RAB38: variants seen among roughly 807,000 people sequenced by gnomAD.
The protein encoded by RAB38 is RAB38, member RAS oncogene family, also known as ras-related protein Rab-38.
In RAB38, 15 loss-of-function variants were observed where a neutral mutation model predicts 18.4. That is an observed-to-expected ratio of 0.82 (90% CI 0.55 to 1.26). RAB38 has a LOEUF of 1.26. Ranked by LOEUF, RAB38 falls within the 50% of genes most tolerant of loss-of-function variation. The probability of loss-of-function intolerance (pLI) is 0.00; values close to 1 mark genes in which losing one functional copy is unlikely to be tolerated. For synonymous variants in RAB38, 101 were observed against 104.4 expected, an observed-to-expected ratio of 0.97 and a Z score of 0.20; for missense variants, 294 against 267.4, an observed-to-expected ratio of 1.10 and a Z score of -0.69.
At chr11:87,812,018 G>A in the RAB38 span, among the ~76,000 whole-genome samples, 1 of 152,094 alleles carries the variant, frequency 6.6e-6, no homozygotes, top group Non-Finnish European at 1.5e-5. Context: ...AGATCAATCT[G>A]GCTCCAAAAA....
chr11:87,834,686 C>T, the RAB38 span, among the ~76,000 whole-genome samples: 1 of 152,064 alleles, frequency 6.6e-6, no homozygotes, highest in African/African-American at 2.4e-5. Flanking sequence ...ATATGTAAAC[C>T]TGGTAGTCAG....
At chr11:88,162,203 A>G (rs890521) in intron 1 of RAB38, among the ~76,000 whole-genome samples, 37,427 of 151,960 alleles carry the variant, frequency 0.25, 4,652 homozygotes, top group Admixed American at 0.27. Flanking sequence ...GTTCAGAAAC[A>G]CTTTCATCTG....
chr11:87,949,937 G>T, the RAB38 span, among the ~76,000 whole-genome samples: 1 of 152,086 alleles, frequency 6.6e-6, no homozygotes, highest in Admixed American at 6.6e-5. Context: ...TCAATTCCTG[G>T]ATATCCTTGT....
the RAB38 span, among the ~76,000 whole-genome samples, chr11:87,854,003 A>G: frequency 1.6e-4 from 24 of 152,188 alleles, no homozygotes. Context: ...ATAGCCAGCA[A>G]TGACAGGTCT....
chr11:88,049,673 G>A, the RAB38 span, among the ~76,000 whole-genome samples: 10 of 152,214 alleles, frequency 6.6e-5, 1 homozygote, highest in East Asian at 1.7e-3. Flanking sequence ...ACCTCCCTTG[G>A]GAGATCAATC....
chr11:88,096,172 AC>A, the RAB38 span, among the ~76,000 whole-genome samples: 2 of 151,488 alleles, frequency 1.3e-5, no homozygotes, highest in South Asian at 4.2e-4. Context: ...CATCATCTTT[AC>A]CCTCCCCAAT....
chr11:88,081,465 T>G, the RAB38 span, among the ~76,000 whole-genome samples: 1 of 151,978 alleles, frequency 6.6e-6, no homozygotes, highest in East Asian at 1.9e-4. Context: ...GATGTTAAGG[T>G]GCTGACAGGG....
chr11:88,108,697 G>T, downstream of RAB38, among the ~76,000 whole-genome samples: 1 of 152,138 alleles, frequency 6.6e-6, no homozygotes, highest in East Asian at 1.9e-4. Flanking sequence ...GATGCTAGCT[G>T]GTTATTTTGC....
At chr11:87,962,945 A>G in the RAB38 span, among the ~76,000 whole-genome samples, 1 of 152,202 alleles carries the variant, frequency 6.6e-6, no homozygotes, top group Non-Finnish European at 1.5e-5. Context: ...TTGATTTACA[A>G]TCAAATTTTT....
the RAB38 span, among the ~76,000 whole-genome samples, chr11:87,822,714 A>C: frequency 6.6e-6 from 1 of 152,210 alleles, no homozygotes; most frequent in Admixed American, 6.5e-5. Context: ...TATTTAGTTC[A>C]TTAGAAGTGA....
chr11:88,119,814 T>A (rs940339968), intron 2 of RAB38, among the ~76,000 whole-genome samples: 1 of 152,130 alleles, frequency 6.6e-6, no homozygotes, highest in Admixed American at 6.5e-5. Context: ...GTTAGGGCAC[T>A]AAATTCCCCA....
chr11:87,910,839 G>C, the RAB38 span, among the ~76,000 whole-genome samples: 1 of 151,840 alleles, frequency 6.6e-6, no homozygotes, highest in South Asian at 2.1e-4. Context: ...GTTTCACCAT[G>C]TTGGCCAGGA....
the RAB38 span, among the ~76,000 whole-genome samples, chr11:88,055,640 A>G: frequency 6.6e-6 from 1 of 152,226 alleles, no homozygotes; most frequent in Non-Finnish European, 1.5e-5. Flanking sequence ...TGGTGCTTGA[A>G]TACATGGACT....
chr11:87,967,455 T>C, the RAB38 span, among the ~76,000 whole-genome samples: 13 of 152,260 alleles, frequency 8.5e-5, no homozygotes, highest in South Asian at 4.2e-4. Context: ...TGGTTAATAA[T>C]TTTAAAATAT....
the RAB38 span, among the ~76,000 whole-genome samples, chr11:88,005,161 T>C: frequency 1.3e-5 from 2 of 151,056 alleles, no homozygotes; most frequent in African/African-American, 2.4e-5. Context: ...ATCAAGAAAA[T>C]AAAAACTCAG....
At chr11:88,083,750 T>C in the RAB38 span, among the ~76,000 whole-genome samples, 1 of 151,912 alleles carries the variant, frequency 6.6e-6, no homozygotes. Flanking sequence ...CCTTCTGCCA[T>C]ACAAGGAAAA....
chr11:88,161,654 T>C (rs1943190557), intron 1 of RAB38, among the ~76,000 whole-genome samples: 1 of 152,072 alleles, frequency 6.6e-6, no homozygotes, highest in Non-Finnish European at 1.5e-5. Flanking sequence ...AAATGCCTTA[T>C]CATGTATTTG....
At chr11:87,897,706 C>G in the RAB38 span, among the ~76,000 whole-genome samples, 2 of 151,594 alleles carry the variant, frequency 1.3e-5, no homozygotes, top group Non-Finnish European at 3.0e-5. Flanking sequence ...GCTTTAGAAT[C>G]CATTTAAAGG....
At chr11:87,838,597 G>T in the RAB38 span, among the ~76,000 whole-genome samples, 11 of 152,282 alleles carry the variant, frequency 7.2e-5, no homozygotes, top group East Asian at 1.9e-3. Flanking sequence ...AGAAAGCTGG[G>T]TGGTCTTGTT....
Sources: gnomAD v4.1 joint callset for allele counts (sites outside exome capture counted in the v4.1 genomes callset) on GRCh38, gnomAD v4.1.1 for gene constraint, MANE v1.5 for transcripts, NCBI Gene and HGNC (gene_info 2026-07-23, HGNC 2026-07-21) for gene names.